The following PRKD2 variants were observed in gnomAD, a reference collection of about 807,000 sequenced individuals.
PRKD2 encodes the protein serine/threonine-protein kinase D2.
PRKD2 carries 22 observed loss-of-function variants against 86.0 expected under a neutral mutation model. The ratio of observed to expected loss-of-function variants is 0.26; its 90% confidence interval spans 0.18 to 0.37. The LOEUF is 0.37. PRKD2 is among the 10% of genes least tolerant of loss of function. The pLI is 1.00. For synonymous variants in PRKD2, 509 were observed against 510.9 expected (o/e 1.00, Z 0.05); for missense variants, 818 against 1,199.2 (o/e 0.68, Z 4.70).
chr19:46,681,809 T>C, intron 14 of PRKD2, 61 bp from the exon 15 acceptor site: 2 of 1,025,706 alleles, frequency 1.9e-6, no homozygotes, highest in Admixed American at 1.9e-5. Context: ...AATCCCAACC[T>C]CAGCAGCCAG....
At chr19:46,686,923 C>G (rs1170105074) in intron 14 of PRKD2, among the ~76,000 whole-genome samples, 1 of 151,706 alleles carries the variant, frequency 6.6e-6, no homozygotes, top group African/African-American at 2.4e-5. Flanking sequence ...TGCACTCCAG[C>G]CTGGGCAATA....
At chr19:46,687,661 T>C (rs1301679015) in intron 14 of PRKD2, among the ~76,000 whole-genome samples, 1 of 152,194 alleles carries the variant, frequency 6.6e-6, no homozygotes, top group Non-Finnish European at 1.5e-5. Flanking sequence ...TAAATGTTAG[T>C]GACCACATTA....
chr19:46,701,335 C>T (rs543276159), intron 5 of PRKD2, among the ~76,000 whole-genome samples: 5 of 151,576 alleles, frequency 3.3e-5, no homozygotes, highest in African/African-American at 7.2e-5. Flanking sequence ...AAAATCCCGA[C>T]GACTGCTGGG....
At chr19:46,703,387 G>A (rs1206449075) in intron 5 of PRKD2, among the ~76,000 whole-genome samples, 4 of 152,148 alleles carry the variant, frequency 2.6e-5, no homozygotes, top group Non-Finnish European at 4.4e-5. Context: ...AGCACTTTGG[G>A]AGGCCGAGGT....
intron 7 of PRKD2, among the ~76,000 whole-genome samples, chr19:46,700,596 C>T (rs955293286): frequency 2.0e-5 from 3 of 152,044 alleles, no homozygotes; most frequent in African/African-American, 4.8e-5. Flanking sequence ...TGCACCACTG[C>T]ACCAGCCTGG....
At position 46,690,585 on chromosome 19, in the gene PRKD2, C is replaced by A. The variant is rs371976767; in HGVS notation, c.1809+15G>T. The A allele has an allele frequency of 6.2e-7, 1 of 1,612,214 alleles. No individual in the cohort carries two copies. The highest frequency in any genetic ancestry group is 1.1e-5 in the South Asian group (1 of 91,034). On this transcript the variant is annotated intron_variant, in intron 13 of 17. Coordinates refer to ENST00000291281, the MANE Select transcript of PRKD2 (RefSeq NM_016457.5). ...GAAAGGAAGAAGCAGAAAGGGAAGG[C>A]GGCCTGGTGGTTACCTGCAGAATGG...
intron 14 of PRKD2, 108 bp downstream of exon 14, chr19:46,689,429 G>T: frequency 7.7e-7 from 1 of 1,291,874 alleles, no homozygotes; most frequent in Non-Finnish European, 1.1e-6. Context: ...TCTGTTATCT[G>T]CTATTGTGAC....
intron 9 of PRKD2, among the ~76,000 whole-genome samples, chr19:46,696,919 T>G: frequency 6.6e-6 from 1 of 152,068 alleles, no homozygotes; most frequent in East Asian, 1.9e-4. Context: ...ATTTTGCAGG[T>G]GAGAAGCGTG....
chr19:46,714,554 C>T (rs2053858947), intron 1 of PRKD2: 1 of 145,968 alleles, frequency 6.9e-6, no homozygotes, highest in East Asian at 2.0e-4. Flanking sequence ...GCTCAAAGGA[C>T]CCAGGTGTCT....
chr19:46,706,012 C>T (rs542689091), intron 3 of PRKD2, among the ~76,000 whole-genome samples: 1 of 152,010 alleles, frequency 6.6e-6, no homozygotes, highest in African/African-American at 2.4e-5. Flanking sequence ...CATACACTAC[C>T]ATGCCCAGAT....
intron 5 of PRKD2, among the ~76,000 whole-genome samples, chr19:46,703,958 A>ACAC (rs1555830818): frequency 2.7e-4 from 36 of 133,658 alleles, no homozygotes; most frequent in African/African-American, 1.1e-3. Flanking sequence ...AAACAACAAC[A>ACAC]ACACACACAC....
Position 46,689,556 on chromosome 19 carries a change from G to A in PRKD2, c.1952C>T (p.Thr651Ile), listed in dbSNP as rs984151744. The A allele has an allele frequency of 1.6e-5, 26 of 1,609,730 alleles. No homozygotes were observed. Among genetic ancestry groups the A allele is most frequent in the Non-Finnish European group, 2.2e-5 (26 of 1,178,446 alleles). Reference sequence around the variant, plus strand: ...ACGCACCTGGGTGATGAGGAACTTGGTGAGGCGCTCAGGCAGCCGGCCCTT... The same window carrying A: ...ACGCACCTGGGTGATGAGGAACTTGATGAGGCGCTCAGGCAGCCGGCCCTT... ...SEKGRLPERL[T>I]KFLITQILVA... is the part of the protein sequence containing the mutation. The change falls in exon 14 of 18, where the codon ACC becomes ATC. Residue 651 changes from threonine to isoleucine, a missense_variant. By Grantham distance (89) the Thr-to-Ile change is moderately conservative. This residue lies in a region of PRKD2 where 154 missense variants were observed against 359.6 expected (regional missense o/e 0.43). Transcript: ENST00000291281.
intron 17 of PRKD2, 76 bp downstream of exon 17, chr19:46,674,957 T>C (rs1035999989): frequency 1.4e-4 from 200 of 1,404,732 alleles, no homozygotes; most frequent in Non-Finnish European, 1.9e-4. Context: ...CTTCACAACC[T>C]GCCTAGCCAA....
rs1479522625 is a variant in PRKD2 at position 46,675,020 on chromosome 19, C to T, written c.2424+13G>A. The T allele has an allele frequency of 6.3e-7, 1 of 1,596,242 alleles. No homozygotes were observed. The highest frequency in any genetic ancestry group is 8.6e-7 in the Non-Finnish European group (1 of 1,168,846). ...CAATCCAGCCAATGGGCCAGCCCTG[C>T]CCCCTGCATCACCTGTAACCAGGGG... On this transcript the variant is annotated intron_variant, in intron 17 of 17. Coordinates refer to ENST00000291281, the MANE Select transcript of PRKD2 (RefSeq NM_016457.5).
At chr19:46,702,031 GTTTT>G (rs869150137) in intron 5 of PRKD2, among the ~76,000 whole-genome samples, 5,458 of 122,180 alleles carry the variant, frequency 0.045, 310 homozygotes, top group African/African-American at 0.15. Flanking sequence ...CTATGATTCT[GTTTT>G]TTGTTTTTTT....
At chr19:46,682,957 C>G (rs1417071286) in intron 14 of PRKD2, among the ~76,000 whole-genome samples, 1 of 151,948 alleles carries the variant, frequency 6.6e-6, no homozygotes. Flanking sequence ...CCACCTCAGC[C>G]TCCCAAAGTG....
At chr19:46,710,829 C>T in intron 3 of PRKD2, 78 bp downstream of exon 3, 1 of 1,426,090 alleles carries the variant, frequency 7.0e-7, no homozygotes, top group Non-Finnish European at 9.4e-7. Context: ...CCACGCTGTC[C>T]CCGTGCCAGG....
intron 13 of PRKD2, among the ~76,000 whole-genome samples, chr19:46,689,951 G>A (rs1297009784): frequency 6.6e-6 from 1 of 152,000 alleles, no homozygotes; most frequent in Non-Finnish European, 1.5e-5. Flanking sequence ...TGTTGGCCAG[G>A]CTGGTCTCAA....
At chr19:46,684,885 C>G (rs2053371877) in intron 14 of PRKD2, among the ~76,000 whole-genome samples, 1 of 151,834 alleles carries the variant, frequency 6.6e-6, no homozygotes, top group African/African-American at 2.4e-5. Context: ...ATCATTTGAA[C>G]CTGGGAGGCA....
Sources: gnomAD v4.1 joint callset for allele counts (sites outside exome capture counted in the v4.1 genomes callset) on GRCh38, gnomAD v4.1.1 for gene constraint, gnomAD v4.1.1 regional missense constraint, MANE v1.5 for transcripts, NCBI Gene and HGNC (gene_info 2026-07-23, HGNC 2026-07-21) for gene names.